Variants in UBAP2L observed in about 807,000 individuals in gnomAD.
The protein encoded by UBAP2L is ubiquitin-associated protein 2-like.
Under a neutral mutation model 130.6 loss-of-function variants are expected in UBAP2L, and 12 were observed. The ratio of observed to expected loss-of-function variants is 0.09; its 90% CI spans 0.06 to 0.15. The LOEUF (loss-of-function observed/expected upper bound fraction) is 0.15, where lower values mean the gene tolerates loss of function less well. Among genes scored for constraint, UBAP2L ranks in the 10% least tolerant of loss-of-function variants. The pLI, the probability that UBAP2L is intolerant of heterozygous loss-of-function variation, is 1.00. For missense variants in UBAP2L, 965 were observed against 1,332.5 expected, an observed-to-expected ratio of 0.72 and a Z score of 4.29; for synonymous variants, 503 against 524.7, an observed-to-expected ratio of 0.96 and a Z score of 0.57.
chr1:154,246,112 G>A (rs1416048893), intron 10 of UBAP2L, 92 bp from the exon 11 acceptor site: 14 of 1,402,340 alleles, frequency 1.0e-5, no homozygotes, highest in African/African-American at 1.4e-5. Flanking sequence ...GCCCCAGCAA[G>A]TGGCTTCATT....
intron 22 of UBAP2L, 127 bp from the exon 23 acceptor site, chr1:154,260,765 A>C: frequency 2.3e-6 from 2 of 886,018 alleles, no homozygotes; most frequent in Non-Finnish European, 3.5e-6. Flanking sequence ...TAAGAAATGT[A>C]ATTCAAGGAA....
In UBAP2L at chr1:154,249,436, T is replaced by C. The variant is rs768040316; in HGVS notation, c.1212T>C (p.Tyr404=). ...CACAATCCCCATCACTGGTGCAGTATGGTGAGAAGATGGAAAGTGACTTGA... is the reference window on the plus strand; with the variant it reads ...CACAATCCCCATCACTGGTGCAGTACGGTGAGAAGATGGAAAGTGACTTGA... ...STTQSPSLVQ[Y]DLKNPSDSAV... is the part of the protein sequence containing the mutation. The change falls in exon 12 of 27, where the codon TAT becomes TAC. Residue 404 remains tyrosine, a splice_region_variant and synonymous_variant. Coordinates refer to ENST00000428931, the MANE Select transcript of UBAP2L (RefSeq NM_014847.4). The C allele has an allele frequency of 1.7e-5, 28 of 1,613,902 alleles. No individual in the cohort carries two copies. The highest frequency in any genetic ancestry group is 2.2e-5 in the Non-Finnish European group (26 of 1,180,022).
intron 4 of UBAP2L, among the ~76,000 whole-genome samples, chr1:154,234,140 C>T (rs755084482): frequency 6.6e-6 from 1 of 152,072 alleles, no homozygotes; most frequent in African/African-American, 2.4e-5. Context: ...GTGGGTGGAC[C>T]ACCTGTGGTC....
chr1:154,257,982 T>C (rs1680216138), intron 20 of UBAP2L: 1 of 154,720 alleles, frequency 6.5e-6, no homozygotes, highest in African/African-American at 2.4e-5. Context: ...ATTTTATTTT[T>C]TGAGGCAGAT....
chr1:154,271,006 C>G (rs1207071182), downstream of UBAP2L: 12 of 1,469,444 alleles, frequency 8.2e-6, no homozygotes, highest in Admixed American at 2.4e-4. Context: ...GAACTCCTGA[C>G]CTTAATGTGG....
Position 154,263,334 on chromosome 1 carries a change from T to TC in UBAP2L, c.2902+1642dup. 5.6e-6 allele frequency: 8 copies of TC among 1,423,960 alleles called. No individual in the cohort carries two copies. In the Admixed American group the frequency reaches 1.2e-4, roughly 22 times the overall value. 88.2% of individuals were successfully genotyped at this position (1,423,960 alleles called of 1,614,324 possible). A position where few individuals can be genotyped will look rare whatever the true frequency, so the allele number is the denominator to read the frequency against. ...AACTTGCCCCTCCCCCATTTCCCTC[T>TC]CCCCCATGTGTCTGACCCTGTCTTA... is the stretch of plus-strand genomic sequence containing the variant. On this transcript the variant is annotated intron_variant, in intron 24 of 26. Transcript: ENST00000428931.
At chr1:154,271,106 C>G, downstream of UBAP2L, 2 of 684,998 alleles carry the variant, frequency 2.9e-6, no homozygotes, top group Non-Finnish European at 4.7e-6. Flanking sequence ...CACAAATCTT[C>G]ATTTCCTCCA....
chr1:154,254,139 A>C (rs1678824144), intron 15 of UBAP2L, 50 bp downstream of exon 15: 1 of 1,422,492 alleles, frequency 7.0e-7, no homozygotes, highest in East Asian at 2.6e-5. Context: ...TAGTGGGCAA[A>C]AATTCCTTAA....
chr1:154,227,509 A>C, intron 3 of UBAP2L, 150 bp downstream of exon 3: 1 of 644,268 alleles, frequency 1.6e-6, no homozygotes, highest in South Asian at 2.0e-5. Context: ...CCAATAAATA[A>C]GTGCTTTCAT....
At chr1:154,249,494 G>A (rs1271828236) in intron 12 of UBAP2L, 57 bp downstream of exon 12, 18 of 1,602,650 alleles carry the variant, frequency 1.1e-5, no homozygotes, top group Non-Finnish European at 1.5e-5. Context: ...ACTGTCAAGA[G>A]GCTAGCAGGG....
rs753738776 is a variant in UBAP2L, at chr1:154,255,311, C to G, written c.2069C>G (p.Thr690Ser). 5.0e-6 allele frequency: 8 copies of G among 1,613,914 alleles called. No individual in the cohort carries two copies. In the Admixed American group the frequency reaches 1.2e-4, roughly 24 times the overall value. The change falls in exon 17 of 27, where the codon ACC becomes AGC. Residue 690 changes from threonine to serine, a missense_variant. This residue lies in a region of UBAP2L where 393 missense variants were observed against 408.1 expected (regional missense o/e 0.96). Coordinates refer to ENST00000428931, the MANE Select transcript of UBAP2L (RefSeq NM_014847.4). ...SHSEEIPNTT[T>S]TQHSSTLSTQ... ...AGTGAGGAGATTCCAAATACTACCACCACACAACACAGCAGGTGATTTGGG... is the reference window on the plus strand; with the variant it reads ...AGTGAGGAGATTCCAAATACTACCAGCACACAACACAGCAGGTGATTTGGG...
chr1:154,257,002 T>C, intron 18 of UBAP2L, 61 bp from the exon 19 acceptor site: 2 of 1,551,000 alleles, frequency 1.3e-6, no homozygotes, highest in Admixed American at 3.7e-5. Flanking sequence ...GTCTTATTTT[T>C]CCTGACCTAT....
intron 11 of UBAP2L, among the ~76,000 whole-genome samples, chr1:154,247,770 A>G (rs1182691642): frequency 6.6e-6 from 1 of 152,112 alleles, no homozygotes; most frequent in Non-Finnish European, 1.5e-5. Context: ...AAAACTAAGT[A>G]TAAATACTAT....
At chr1:154,253,583 A>G (rs1422170569) in intron 14 of UBAP2L, among the ~76,000 whole-genome samples, 1 of 151,646 alleles carries the variant, frequency 6.6e-6, no homozygotes, top group African/African-American at 2.4e-5. Flanking sequence ...CATGTTAGCC[A>G]GGATGGTCTT....
intron 3 of UBAP2L, among the ~76,000 whole-genome samples, chr1:154,227,861 T>A (rs1291858030): frequency 2.6e-5 from 4 of 152,110 alleles, no homozygotes; most frequent in Admixed American, 2.6e-4. Flanking sequence ...TGTAGCCCTT[T>A]GGATAGATAC....
At chr1:154,235,632 C>G (rs527515900) in intron 6 of UBAP2L, among the ~76,000 whole-genome samples, 34 of 152,180 alleles carry the variant, frequency 2.2e-4, no homozygotes, top group Non-Finnish European at 4.4e-4. Flanking sequence ...GCCTCAGTCT[C>G]CCAAGTAGCT....
chr1:154,220,605 G>T, upstream of UBAP2L: 1 of 609,206 alleles, frequency 1.6e-6, no homozygotes, highest in Non-Finnish European at 2.9e-6. Flanking sequence ...ACGCCTTCCA[G>T]CTTCCCCCTG....
chr1:154,267,880 C>CTTTTTGTTTTTTTTTTTTTTTTT (rs1683768377), intron 25 of UBAP2L, among the ~76,000 whole-genome samples: 1 of 52,056 alleles, frequency 1.9e-5, no homozygotes, highest in Non-Finnish European at 3.6e-5. Flanking sequence ...CTTATTTGGT[C>CTTTTTGTTTTTTTTTTTTTTTTT]TTTTTTTTTT....
rs1335275713 is a variant in UBAP2L, at chr1:154,268,851, C to T, written c.3065C>T (p.Ala1022Val). The change falls in exon 26 of 27, where the codon GCC (alanine) becomes GTC (valine). Residue 1022 changes from alanine (A) to valine (V), a missense_variant. This residue lies in a region of UBAP2L where 194 missense variants were observed against 334.0 expected (regional missense o/e 0.58). Coordinates refer to ENST00000428931, the MANE Select transcript of UBAP2L (RefSeq NM_014847.4). Reference sequence around the variant, plus strand: ...GGAAGTGGGGGCCCCATCAATCCGGCCACAGCTGCTGCCTACCCACCTGCC... The same window carrying T: ...GGAAGTGGGGGCCCCATCAATCCGGTCACAGCTGCTGCCTACCCACCTGCC... ...ALGSGGPINP[A>V]TAAAYPPAPF... 4 of 1,614,060 alleles carry T rather than the reference C, an allele frequency of 2.5e-6. No individual in the cohort carries two copies. The African/African-American group carries it at 4.0e-5, about 16-fold the overall frequency.
Sources: allele counts gnomAD v4.1 joint callset (sites outside exome capture counted in the v4.1 genomes callset), GRCh38; gene constraint gnomAD v4.1.1; regional missense constraint gnomAD v4.1.1; transcripts MANE v1.5; gene names NCBI Gene and HGNC (gene_info 2026-07-23, HGNC 2026-07-21).